Variants in KCNS3 observed in about 807,000 individuals in gnomAD.
The protein encoded by KCNS3 is potassium voltage-gated channel modifier subfamily S member 3.
Under a neutral mutation model 31.0 loss-of-function variants are expected in KCNS3, and 13 were observed. That is an observed-to-expected ratio of 0.42 (90% confidence interval 0.27 to 0.67). KCNS3 has a LOEUF of 0.67. Ranked by LOEUF, KCNS3 falls within the 30% of genes least tolerant of loss-of-function variation. The pLI is 0.25. For missense variants in KCNS3, 545 were observed against 622.4 expected, an observed-to-expected ratio of 0.88 and a Z score of 1.32; for synonymous variants, 238 against 241.5, an observed-to-expected ratio of 0.99 and a Z score of 0.13.
intron 1 of KCNS3, among the ~76,000 whole-genome samples, chr2:17,911,083 C>G (rs1249904544): frequency 6.6e-6 from 1 of 152,208 alleles, no homozygotes; most frequent in African/African-American, 2.4e-5. Flanking sequence ...TCTCCAAATA[C>G]TACCTATTCA....
intron 1 of KCNS3, among the ~76,000 whole-genome samples, chr2:17,904,541 A>G (rs1304777230): frequency 1.3e-5 from 2 of 152,064 alleles, no homozygotes; most frequent in Non-Finnish European, 2.9e-5. Context: ...GCCCATGCCT[A>G]TGTCCTGAAT....
rs1418878723 is a variant in KCNS3 at position 17,931,945 on chromosome 2, C to G, written c.937C>G (p.Leu313Val). Residue 313 changes from leucine (L) to valine (V), a missense_variant, in exon 3 of 3, where the codon CTA becomes GTA. Physicochemically the swap from Leu to Val is conservative, Grantham distance 32. Transcript: ENST00000304101. The surrounding 1 kb of genome is among the most constrained non-coding windows in gnomAD (Gnocchi z 5.4). ...CCGGCACTCGGTAGGACTTCGGTCTCTAGGTGCCACACTGAGACACAGCTA... is the reference window on the plus strand; with the variant it reads ...CCGGCACTCGGTAGGACTTCGGTCTGTAGGTGCCACACTGAGACACAGCTA... ...LARHSVGLRS[L>V]GATLRHSYHE... 6.2e-7 allele frequency: 1 copy of G among 1,614,002 alleles called. No individual in the cohort carries two copies. The highest frequency in any genetic ancestry group is 8.5e-7 in the Non-Finnish European group (1 of 1,180,026).
At chr2:17,895,416 T>A (rs1011004497) in intron 1 of KCNS3, among the ~76,000 whole-genome samples, 1 of 151,986 alleles carries the variant, frequency 6.6e-6, no homozygotes, top group Non-Finnish European at 1.5e-5. Context: ...TCAGATGGGG[T>A]ATAGAAAAAC....
At chr2:17,918,502 C>G (rs1662639823) in intron 2 of KCNS3, among the ~76,000 whole-genome samples, 1 of 152,170 alleles carries the variant, frequency 6.6e-6, no homozygotes, top group East Asian at 1.9e-4. Context: ...CACCACCATC[C>G]CCAACCATCT....
rs545904604 is a variant in KCNS3, at chr2:17,931,463, T to C, written c.455T>C (p.Phe152Ser). The change falls in exon 3 of 3, where the codon TTT becomes TCT. Residue 152 changes from phenylalanine to serine, a missense_variant. By Grantham distance (155) the Phe-to-Ser change is radical (BLOSUM62 -2). Coordinates refer to ENST00000304101, the MANE Select transcript of KCNS3 (RefSeq NM_002252.5). This position sits in a 1 kb window ranked among gnomAD's most constrained non-coding sequence, Gnocchi z 5.4. ...TDSSFEESSL[F>S]EKELEKFDTL... ...TCCTCGTTTGAAGAGTCGTCTCTGTTTGAGAAAGAGCTGGAGAAGTTTGAC... is the reference window on the plus strand; with the variant it reads ...TCCTCGTTTGAAGAGTCGTCTCTGTCTGAGAAAGAGCTGGAGAAGTTTGAC... 2 of 1,614,110 alleles carry C rather than the reference T, an allele frequency of 1.2e-6. No homozygotes were observed. The highest frequency in any genetic ancestry group is 4.5e-5 in the East Asian group (2 of 44,878).
chr2:17,898,423 A>G (rs1005140271), intron 1 of KCNS3, among the ~76,000 whole-genome samples: 2 of 152,096 alleles, frequency 1.3e-5, no homozygotes, highest in South Asian at 4.1e-4. Context: ...AATGATATTG[A>G]TTATTCCTGT....
chr2:17,880,385 T>C (rs1674618116), intron 1 of KCNS3, among the ~76,000 whole-genome samples: 1 of 152,242 alleles, frequency 6.6e-6, no homozygotes, highest in Non-Finnish European at 1.5e-5. Context: ...ATGGATGATA[T>C]AATTTCTGCA....
rs1674566717 is a variant in KCNS3 at position 17,878,695 on chromosome 2, T to G, written c.-363T>G. The G allele has an allele frequency of 6.7e-6, 1 of 149,560 alleles. No homozygotes were observed. Among genetic ancestry groups the G allele is most frequent in the African/African-American group, 2.4e-5 (1 of 40,832 alleles). 9.3% of individuals were successfully genotyped at this position (149,560 alleles called of 1,614,324 possible). ...CCGGCCGACGCGGGCCACCCCGCTC[T>G]CCTCGCCGCCGCGGCGGCAGGCGCG... On this transcript the variant is annotated 5_prime_UTR_variant, in exon 1 of 3. Coordinates refer to ENST00000304101, the MANE Select transcript of KCNS3 (RefSeq NM_002252.5).
chr2:17,882,896 A>AT (rs1381638565), intron 1 of KCNS3, among the ~76,000 whole-genome samples: 1 of 152,204 alleles, frequency 6.6e-6, no homozygotes, highest in East Asian at 1.9e-4. Flanking sequence ...GAGGATCAAA[A>AT]TCTACACATT....
At chr2:17,914,295 G>T (rs1426183121) in intron 1 of KCNS3, among the ~76,000 whole-genome samples, 1 of 152,242 alleles carries the variant, frequency 6.6e-6, no homozygotes, top group Non-Finnish European at 1.5e-5. Flanking sequence ...ATAGCAAGGT[G>T]TGTGGGAACC....
chr2:17,907,366 A>G (rs1662349157), intron 1 of KCNS3, among the ~76,000 whole-genome samples: 1 of 152,112 alleles, frequency 6.6e-6, no homozygotes, highest in African/African-American at 2.4e-5. Context: ...TGCACGTGAG[A>G]TGGGTCTCCT....
rs1459496869 is a variant in KCNS3, at chr2:17,931,640, A to G, written c.632A>G (p.Gln211Arg). ...AMCVHSMSEF[Q>R]NEDGEVDDPV... Reference sequence around the variant, plus strand: ...TGCGTTCACAGCATGTCGGAGTTCCAGAATGAGGATGGAGAAGTGGATGAT... The same window carrying G: ...TGCGTTCACAGCATGTCGGAGTTCCGGAATGAGGATGGAGAAGTGGATGAT... The change falls in exon 3 of 3, where the codon CAG becomes CGG. Residue 211 changes from glutamine (Q) to arginine (R), a missense_variant. Gln to Arg is a conservative substitution (Grantham distance 43). Transcript: ENST00000304101. This position sits in a 1 kb window ranked among gnomAD's most constrained non-coding sequence, Gnocchi z 5.4. 8 of 1,614,206 alleles carry G rather than the reference A, an allele frequency of 5.0e-6. No individual in the cohort carries two copies. Among genetic ancestry groups the G allele is most frequent in the Non-Finnish European group, 6.8e-6 (8 of 1,180,034 alleles).
At chr2:17,908,228 A>G (rs543090542) in intron 1 of KCNS3, among the ~76,000 whole-genome samples, 1 of 152,234 alleles carries the variant, frequency 6.6e-6, no homozygotes, top group Non-Finnish European at 1.5e-5. Context: ...AATCACTGAT[A>G]CCCTTTCTTC....
At chr2:17,901,282 C>G (rs1444467934) in intron 1 of KCNS3, among the ~76,000 whole-genome samples, 3 of 151,948 alleles carry the variant, frequency 2.0e-5, no homozygotes, top group Non-Finnish European at 2.9e-5. Flanking sequence ...TGTGGTGAAC[C>G]AGTGGAAAAA....
Position 17,909,526 on chromosome 2 carries a change from A to T in KCNS3, c.-251-8154A>T, listed in dbSNP as rs80112917. Among the ~76,000 whole-genome samples, 293 of 152,282 alleles carry T rather than the reference A, an allele frequency of 1.9e-3. 1 individual carries two copies. Among genetic ancestry groups the T allele is most frequent in the African/African-American group, 6.5e-3 (269 of 41,554 alleles). On this transcript the variant is annotated intron_variant, in intron 1 of 2. Transcript: ENST00000304101. ...CCCGGTACCTCAGTTGGAAATGCAGAAATCACTCGTCTTCTGCGTTGCTCA... is the reference window on the plus strand; with the variant it reads ...CCCGGTACCTCAGTTGGAAATGCAGTAATCACTCGTCTTCTGCGTTGCTCA...
intron 2 of KCNS3, among the ~76,000 whole-genome samples, chr2:17,928,792 C>A (rs1267340903): frequency 1.3e-5 from 2 of 152,064 alleles, no homozygotes; most frequent in Non-Finnish European, 2.9e-5. Context: ...TGTCTGCCCA[C>A]TTTTACAGAC....
Position 17,932,192 on chromosome 2 carries a change from T to C in KCNS3, c.1184T>C (p.Ile395Thr), listed in dbSNP as rs1310466131. The C allele has an allele frequency of 1.9e-6, 3 of 1,614,056 alleles. No homozygotes were observed. The highest frequency in any genetic ancestry group is 1.1e-5 in the South Asian group (1 of 91,070). ...LIASTCIICG[I>T]LVVALPITII... ...GCCAGCACATGCATCATCTGTGGCA[T>C]CTTGGTGGTGGCCCTTCCCATCACC... The change falls in exon 3 of 3, where the codon ATC becomes ACC. Residue 395 changes from isoleucine to threonine, a missense_variant. Coordinates refer to ENST00000304101, the MANE Select transcript of KCNS3 (RefSeq NM_002252.5).
intron 2 of KCNS3, among the ~76,000 whole-genome samples, chr2:17,923,514 G>T (rs1662769374): frequency 6.6e-6 from 1 of 151,786 alleles, no homozygotes; most frequent in Admixed American, 6.6e-5. Flanking sequence ...TTATTTTTCT[G>T]TAATTTTAGT....
At chr2:17,881,839 C>T (rs1266114004) in intron 1 of KCNS3, among the ~76,000 whole-genome samples, 1 of 152,178 alleles carries the variant, frequency 6.6e-6, no homozygotes, top group Non-Finnish European at 1.5e-5. Flanking sequence ...ATGTCTCAGC[C>T]TTAAAAGGAA....
Sources: gnomAD v4.1 joint callset for allele counts (sites outside exome capture counted in the v4.1 genomes callset) on GRCh38, gnomAD v4.1.1 for gene constraint, Gnocchi (gnomAD v3.1) non-coding constraint, MANE v1.5 for transcripts, NCBI Gene and HGNC (gene_info 2026-07-23, HGNC 2026-07-21) for gene names.